USP3: variants seen among roughly 807,000 people sequenced by gnomAD.
The protein encoded by USP3 is ubiquitin carboxyl-terminal hydrolase 3.
A neutral mutation model predicts 72.3 loss-of-function variants in USP3; 20 were observed. The ratio of observed to expected loss-of-function variants is 0.28; its 90% CI spans 0.19 to 0.40. USP3 has a LOEUF of 0.40. Among genes scored for constraint, USP3 ranks in the 10% least tolerant of loss-of-function variants. The pLI is 1.00. For missense variants in USP3, 479 were observed against 633.9 expected, an observed-to-expected ratio of 0.76 and a Z score of 2.62; for synonymous variants, 222 against 225.3, an observed-to-expected ratio of 0.99 and a Z score of 0.13.
At chr15:63,537,346 C>T (rs982675399) in intron 3 of USP3, among the ~76,000 whole-genome samples, 190 bp downstream of exon 3, 7 of 152,142 alleles carry the variant, frequency 4.6e-5, no homozygotes, top group Non-Finnish European at 1.0e-4. Flanking sequence ...TGCATTGTTC[C>T]TTTCAACTTC....
At chr15:63,571,693 C>T (rs2066781381) in intron 9 of USP3, among the ~76,000 whole-genome samples, 1 of 152,180 alleles carries the variant, frequency 6.6e-6, no homozygotes, top group Non-Finnish European at 1.5e-5. Context: ...TATGATTTTA[C>T]ATGATGCCTG....
chr15:63,578,229 G>A (rs924697334), intron 11 of USP3, among the ~76,000 whole-genome samples: 2 of 152,110 alleles, frequency 1.3e-5, no homozygotes, highest in Admixed American at 6.5e-5. Flanking sequence ...AGCCGAGATC[G>A]TGCCACTGCA....
At chr15:63,516,032 A>C (rs1443866540) in intron 1 of USP3, among the ~76,000 whole-genome samples, 1 of 152,212 alleles carries the variant, frequency 6.6e-6, no homozygotes, top group Non-Finnish European at 1.5e-5. Flanking sequence ...CTTGCCCTTC[A>C]GTCTCTCCAT....
intron 1 of USP3, among the ~76,000 whole-genome samples, chr15:63,530,253 C>T (rs1256057055): frequency 7.8e-6 from 1 of 127,978 alleles, no homozygotes; most frequent in African/African-American, 3.3e-5. Flanking sequence ...CGTCATCCTT[C>T]CTTCCCTCCC....
intron 11 of USP3, among the ~76,000 whole-genome samples, chr15:63,584,155 T>C (rs1481616265): frequency 7.1e-6 from 1 of 140,420 alleles, no homozygotes; most frequent in Admixed American, 7.9e-5. Context: ...TGGAGTGCAG[T>C]GGCATGATCT....
In USP3 at chr15:63,574,409, G is replaced by A. The variant is rs752103627; in HGVS notation, c.1096+6G>A. On this transcript the variant is annotated splice_donor_region_variant and intron_variant, in intron 11 of 14. Transcript: ENST00000380324. This position sits in a 1 kb window ranked among gnomAD's most constrained non-coding sequence, Gnocchi z 4.6. ...ACCAGTTTGTTCGTTACGAGGTAAA[G>A]ATACTTGAATGTTCTAAAAATTTTT... 4 of 1,595,998 alleles carry A rather than the reference G, an allele frequency of 2.5e-6. No individual in the cohort carries two copies. The East Asian group carries it at 9.0e-5, about 36-fold the overall frequency.
Position 63,529,071 on chromosome 15 carries a change from C to A in USP3, c.92-3576C>A. 7.8e-7 allele frequency: 1 copy of A among 1,288,116 alleles called. No homozygotes were observed. The highest frequency in any genetic ancestry group is 1.0e-6 in the Non-Finnish European group (1 of 987,792). 79.8% of individuals were successfully genotyped at this position (1,288,116 alleles called of 1,614,324 possible). A position where few individuals can be genotyped will look rare whatever the true frequency, so the allele number is the denominator to read the frequency against. On this transcript the variant is annotated intron_variant, in intron 1 of 14. Transcript: ENST00000380324. The surrounding 1 kb of genome is among the most constrained non-coding windows in gnomAD (Gnocchi z 4.2). ...TGCCCTCAGAGAGTACTGTATGTTGCCCAGGCTGGCCTCGAACTCTAGGCT... is the reference window on the plus strand; with the variant it reads ...TGCCCTCAGAGAGTACTGTATGTTGACCAGGCTGGCCTCGAACTCTAGGCT...
chr15:63,512,625 A>G (rs1429977800), intron 1 of USP3, among the ~76,000 whole-genome samples: 1 of 151,818 alleles, frequency 6.6e-6, no homozygotes, highest in African/African-American at 2.4e-5. Flanking sequence ...TTGTGTTTTT[A>G]GTAGAGACGG....
At chr15:63,547,381 T>C (rs1567108112) in intron 3 of USP3, among the ~76,000 whole-genome samples, 1 of 151,962 alleles carries the variant, frequency 6.6e-6, no homozygotes, top group African/African-American at 2.4e-5. Flanking sequence ...GAGATAGTTG[T>C]AAAAACCTAA....
intron 11 of USP3, among the ~76,000 whole-genome samples, chr15:63,581,260 A>C (rs1248945846): frequency 6.6e-6 from 1 of 152,054 alleles, no homozygotes; most frequent in African/African-American, 2.4e-5. Context: ...CAAATCTGTG[A>C]ATGTTAAGGG....
chr15:63,563,049 T>C (rs759807175), intron 8 of USP3, 41 bp downstream of exon 8: 2 of 1,318,424 alleles, frequency 1.5e-6, no homozygotes, highest in South Asian at 1.4e-5. Context: ...TTAATATTAG[T>C]GTTTATACTG....
intron 3 of USP3, among the ~76,000 whole-genome samples, chr15:63,547,022 A>G (rs76344240): frequency 0.013 from 1,933 of 152,286 alleles, 21 homozygotes; most frequent in Non-Finnish European, 0.017. Flanking sequence ...TTTATTTGCC[A>G]CCTTTGCTAC....
chr15:63,535,210 C>T (rs1391671338), intron 2 of USP3, among the ~76,000 whole-genome samples: 7 of 152,152 alleles, frequency 4.6e-5, no homozygotes, highest in Non-Finnish European at 8.8e-5. Flanking sequence ...AGATTACAGG[C>T]GTGAGCCACT....
intron 3 of USP3, chr15:63,551,465 C>G (rs1217455241): frequency 6.6e-6 from 1 of 151,774 alleles, no homozygotes; most frequent in African/African-American, 2.4e-5. Flanking sequence ...GTCACCATAA[C>G]TCATGGTATC....
In USP3 at chr15:63,570,362, C is replaced by T; in HGVS notation, c.762-71C>T. On this transcript the variant is annotated intron_variant, in intron 8 of 14. Transcript: ENST00000380324. The surrounding 1 kb of genome is among the most constrained non-coding windows in gnomAD (Gnocchi z 4.4). The stretch of plus-strand genomic sequence containing the variant: ...GCTGCCGTCCTTTTCCACGCCTTGG[C>T]CTCTTGCTGGTGTGGCTGGGCACAA... The T allele has an allele frequency of 6.9e-6, 11 of 1,602,524 alleles. No individual in the cohort carries two copies. Among genetic ancestry groups the T allele is most frequent in the Non-Finnish European group, 9.4e-6 (11 of 1,174,838 alleles).
intron 11 of USP3, among the ~76,000 whole-genome samples, chr15:63,576,255 G>A (rs1033792017): frequency 2.6e-5 from 4 of 152,116 alleles, no homozygotes; most frequent in African/African-American, 9.7e-5. Flanking sequence ...CTAAAGTGCT[G>A]GGATTACAGG....
intron 3 of USP3, among the ~76,000 whole-genome samples, chr15:63,538,838 C>T (rs1271554971): frequency 2.6e-5 from 4 of 152,122 alleles, no homozygotes; most frequent in African/African-American, 4.8e-5. Flanking sequence ...AGGTTCAACA[C>T]CATTAAATTT....
chr15:63,509,427 TA>T (rs988199731), intron 1 of USP3, among the ~76,000 whole-genome samples: 1 of 152,176 alleles, frequency 6.6e-6, no homozygotes. Flanking sequence ...TTTTAGTCAG[TA>T]AACGTTGGCT....
At chr15:63,559,827 T>C in intron 6 of USP3, 30 bp from the exon 7 acceptor site, 4 of 1,569,538 alleles carry the variant, frequency 2.5e-6, no homozygotes, top group Non-Finnish European at 3.5e-6. Context: ...CTTTTCTTTT[T>C]AAAATATTTT....
Sources: gnomAD v4.1 joint callset for allele counts (sites outside exome capture counted in the v4.1 genomes callset) on GRCh38, gnomAD v4.1.1 for gene constraint, Gnocchi (gnomAD v3.1) non-coding constraint, MANE v1.5 for transcripts, NCBI Gene and HGNC (gene_info 2026-07-23, HGNC 2026-07-21) for gene names.